The following DOCK7 variants were observed in gnomAD, a reference collection of about 807,000 sequenced individuals.
The protein encoded by DOCK7 is dedicator of cytokinesis protein 7.
A neutral mutation model predicts 271.0 loss-of-function variants in DOCK7; 138 were observed. That is an observed-to-expected ratio of 0.51 (90% CI 0.44 to 0.59). DOCK7 has a LOEUF of 0.59. Among genes scored for constraint, DOCK7 ranks in the 20% least tolerant of loss-of-function variants. The probability of loss-of-function intolerance (pLI) is 0.00; values close to 1 mark genes in which losing one functional copy is unlikely to be tolerated. For missense variants in DOCK7, 2,066 were observed against 2,592.4 expected (o/e 0.80, Z 4.41); for synonymous variants, 823 against 876.1 (o/e 0.94, Z 1.07).
intron 1 of DOCK7, among the ~76,000 whole-genome samples, chr1:62,682,582 A>G (rs1661294353): frequency 6.6e-6 from 1 of 152,224 alleles, no homozygotes; most frequent in Admixed American, 6.5e-5. Context: ...AGTGATGAAG[A>G]AAAGAAAAAA....
rs774819833 is a variant in DOCK7, at chr1:62,618,864, C to T, written c.1524G>A (p.Gln508=). ...GTGCGGGAGAAATGTCTATCTTGAG[C>T]TGAGCTGCAAATTATATATTAAAAA... is the stretch of plus-strand genomic sequence containing the variant. ...VLRRLRPITA[Q]LKIDISPAPE... is the part of the protein sequence containing the mutation. Residue 508 remains glutamine, a synonymous_variant, in exon 14 of 50, where the codon CAG becomes CAA. Transcript: ENST00000635253. The T allele has an allele frequency of 6.2e-6, 10 of 1,612,728 alleles. No individual in the cohort carries two copies. Among genetic ancestry groups the T allele is most frequent in the Non-Finnish European group, 7.6e-6 (9 of 1,179,238 alleles).
At position 62,633,555 on chromosome 1, in the gene DOCK7, T is replaced by C. The variant is rs755608371; in HGVS notation, c.1059A>G (p.Gly353=). The stretch of plus-strand genomic sequence containing the variant: ...ATGGTTCTGCACACTCTCCAATGTC[T>C]CCTTGCTGTAGGACTTTTTCTAGCT... ...VIKLEKVLQQ[G]DIGECAEPYM... is the part of the protein sequence containing the mutation. Residue 353 remains glycine (G), a synonymous_variant, in exon 10 of 50, where the codon GGA becomes GGG. Coordinates refer to ENST00000635253, the MANE Select transcript of DOCK7 (RefSeq NM_001367561.1). 9 of 1,613,058 alleles carry C rather than the reference T, an allele frequency of 5.6e-6. No homozygotes were observed. The East Asian group carries it at 2.0e-4, about 36-fold the overall frequency.
intron 14 of DOCK7, chr1:62,597,857 G>C: frequency 6.2e-7 from 1 of 1,601,330 alleles, no homozygotes; most frequent in Non-Finnish European, 8.5e-7. Context: ...AAGAAGAAAA[G>C]GAACTGAGAA....
chr1:62,650,045 T>C (rs1475321329), intron 4 of DOCK7, among the ~76,000 whole-genome samples: 1 of 152,126 alleles, frequency 6.6e-6, no homozygotes, highest in Non-Finnish European at 1.5e-5. Context: ...AGGCCAGGAA[T>C]TCAAGGTAAC....
chr1:62,533,442 T>TC (rs899164436), intron 29 of DOCK7, among the ~76,000 whole-genome samples: 1 of 151,780 alleles, frequency 6.6e-6, no homozygotes, highest in South Asian at 2.1e-4. Context: ...TTTATTTATT[T>TC]TTTTTAATGA....
intron 21 of DOCK7, among the ~76,000 whole-genome samples, chr1:62,553,441 G>A (rs1317516782): frequency 2.3e-5 from 3 of 132,444 alleles, no homozygotes; most frequent in East Asian, 4.5e-4. Flanking sequence ...GTGCAGCAGT[G>A]AGACCATAGT....
At chr1:62,499,305 T>C (rs1225005739) in intron 37 of DOCK7, among the ~76,000 whole-genome samples, 1 of 152,160 alleles carries the variant, frequency 6.6e-6, no homozygotes, top group African/African-American at 2.4e-5. Flanking sequence ...AAGACTTCCC[T>C]TCCAGTAAAA....
chr1:62,518,195 G>C (rs887364144), intron 31 of DOCK7, among the ~76,000 whole-genome samples: 3 of 152,126 alleles, frequency 2.0e-5, no homozygotes, highest in Admixed American at 6.5e-5. Context: ...CAGCACTTTG[G>C]GAGGCTGAGT....
At chr1:62,573,373 G>A (rs1162305707) in intron 18 of DOCK7, among the ~76,000 whole-genome samples, 5 of 152,152 alleles carry the variant, frequency 3.3e-5, no homozygotes, top group Admixed American at 6.5e-5. Context: ...AAAATACTTG[G>A]ATTATGTCTA....
chr1:62,601,249 A>G, intron 14 of DOCK7: 9 of 1,218,604 alleles, frequency 7.4e-6, no homozygotes, highest in Non-Finnish European at 9.7e-6. Context: ...CAAATTCCCT[A>G]TTCTTAGGAC....
intron 11 of DOCK7, 150 bp from the exon 12 acceptor site, chr1:62,625,551 T>C (rs961845732): frequency 2.7e-5 from 19 of 693,624 alleles, no homozygotes; most frequent in Non-Finnish European, 3.9e-5. Flanking sequence ...TTGGAGAGAT[T>C]AGTAAGAAAG....
At chr1:62,571,715 C>T (rs921868744) in intron 18 of DOCK7, among the ~76,000 whole-genome samples, 18 of 152,044 alleles carry the variant, frequency 1.2e-4, no homozygotes, top group African/African-American at 3.1e-4. Context: ...TGGAATACTA[C>T]GCAGCAATAA....
At chr1:62,509,995 T>TGCG (rs1213185676) in intron 34 of DOCK7, among the ~76,000 whole-genome samples, 3 of 152,170 alleles carry the variant, frequency 2.0e-5, no homozygotes, top group Non-Finnish European at 2.9e-5. Context: ...TGAAGCTACT[T>TGCG]GCGGGCTAAC....
At chr1:62,612,092 G>C (rs1651869754) in intron 14 of DOCK7, among the ~76,000 whole-genome samples, 1 of 152,010 alleles carries the variant, frequency 6.6e-6, no homozygotes, top group African/African-American at 2.4e-5. Flanking sequence ...GGAGGCAGAG[G>C]TTGCAGTGAA....
rs758789203 is a variant in DOCK7, at chr1:62,602,381, G to GT, written c.1683-15758dup. 20 of 1,608,390 alleles carry GT rather than the reference G, an allele frequency of 1.2e-5. No individual in the cohort carries two copies. Among genetic ancestry groups the GT allele is most frequent in the Non-Finnish European group, 1.6e-5 (19 of 1,175,590 alleles). On this transcript the variant is annotated intron_variant, in intron 14 of 49. Transcript: ENST00000635253. ...AAATATGGTTTTGGGAGGCTTGATG[G>GT]TAAGGGGACTACATTCAATCATTCA...
chr1:62,548,058 G>A (rs968086122), intron 22 of DOCK7, among the ~76,000 whole-genome samples: 1 of 151,860 alleles, frequency 6.6e-6, no homozygotes, highest in Non-Finnish European at 1.5e-5. Flanking sequence ...AATATCTACT[G>A]AGCACCTTGA....
At chr1:62,664,991 TTTTA>T (rs966878877) in intron 1 of DOCK7, among the ~76,000 whole-genome samples, 17 of 152,112 alleles carry the variant, frequency 1.1e-4, no homozygotes, top group African/African-American at 3.9e-4. Context: ...CCATTAGGGC[TTTTA>T]TTTATTTATT....
intron 18 of DOCK7, among the ~76,000 whole-genome samples, chr1:62,564,118 G>C (rs1197220187): frequency 6.6e-6 from 1 of 151,784 alleles, no homozygotes; most frequent in African/African-American, 2.4e-5. Flanking sequence ...ACACAATAAC[G>C]GTGGGAGACT....
At chr1:62,651,355 C>G (rs866696025) in intron 4 of DOCK7, among the ~76,000 whole-genome samples, 1 of 146,544 alleles carries the variant, frequency 6.8e-6, no homozygotes, top group Admixed American at 6.8e-5. Flanking sequence ...ATATAAATGA[C>G]GAGTTAATGG....
Sources: allele counts gnomAD v4.1 joint callset (sites outside exome capture counted in the v4.1 genomes callset), GRCh38; gene constraint gnomAD v4.1.1; transcripts MANE v1.5; gene names NCBI Gene and HGNC (gene_info 2026-07-23, HGNC 2026-07-21).